Variants in CEP43 observed in about 807,000 individuals in gnomAD.
The protein encoded by CEP43 is centrosomal protein 43.
A neutral mutation model predicts 52.6 loss-of-function variants in CEP43; 36 were observed. The ratio of observed to expected loss-of-function variants is 0.68; its 90% CI spans 0.52 to 0.90. The LOEUF (loss-of-function observed/expected upper bound fraction) is 0.90, where lower values mean the gene tolerates loss of function less well. Among genes scored for constraint, CEP43 ranks in the 40% least tolerant of loss-of-function variants. The pLI, the probability that CEP43 is intolerant of heterozygous loss-of-function variation, is 0.00. For synonymous variants in CEP43, 192 were observed against 172.4 expected (o/e 1.11, Z -0.89); for missense variants, 506 against 472.8 (o/e 1.07, Z -0.65).
In CEP43 at chr6:167,027,217, G is replaced by C. The variant is rs570364031; in HGVS notation, c.988+602G>C. ...AGAAGTTGGTAAGCCTGCCATGTAA[G>C]TACATTCATTCCTATGGAAGTAAGA... is the stretch of plus-strand genomic sequence containing the variant. On this transcript the variant is annotated intron_variant, in intron 10 of 12. Transcript: ENST00000366847. Among the ~76,000 whole-genome samples the C allele has an allele frequency of 2.6e-5, 4 of 152,322 alleles. No individual in the cohort carries two copies. In the East Asian group the frequency reaches 7.7e-4, roughly 29 times the overall value.
At chr6:167,025,993 G>A (rs1158347478) in intron 9 of CEP43, among the ~76,000 whole-genome samples, 1 of 152,214 alleles carries the variant, frequency 6.6e-6, no homozygotes, top group Non-Finnish European at 1.5e-5. Flanking sequence ...GGCTGTTTAT[G>A]GAAAGTGATG....
intron 7 of CEP43, among the ~76,000 whole-genome samples, chr6:167,015,490 A>T (rs1259538799): frequency 6.6e-6 from 1 of 152,230 alleles, no homozygotes; most frequent in Non-Finnish European, 1.5e-5. Flanking sequence ...TGTACACAGC[A>T]AGACTCCAGA....
chr6:167,042,803 TCTTG>T lies in CEP43; in HGVS notation c.*2829_*2832del, dbSNP rs1377565723. The T allele has an allele frequency of 7.2e-5, 11 of 152,942 alleles. No individual in the cohort carries two copies. The highest frequency in any genetic ancestry group is 2.5e-4 in the African/African-American group (10 of 40,554). The allele number at this position is 152,942 out of a possible 1,614,324, so 9.5% of individuals were successfully genotyped here. Reference sequence around the variant, plus strand: ...TTCATCTCAGCATACTCTGAAATGGTCTTGCTTATTTTGTGTGTGTGTGTGTGTG... The same window carrying T: ...TTCATCTCAGCATACTCTGAAATGGTCTTATTTTGTGTGTGTGTGTGTGTG... On this transcript the variant is annotated 3_prime_UTR_variant, in exon 13 of 13. Coordinates refer to ENST00000366847, the MANE Select transcript of CEP43 (RefSeq NM_007045.4).
In CEP43 at chr6:166,999,400, T is replaced by G; in HGVS notation, c.-13T>G. ...CGTTAGCGCGGCTTCGGCGGTTGTCTTGGAGAAGCAAGATGGCGGCGACGG... is the reference window on the plus strand; with the variant it reads ...CGTTAGCGCGGCTTCGGCGGTTGTCGTGGAGAAGCAAGATGGCGGCGACGG... On this transcript the variant is annotated 5_prime_UTR_variant, in exon 1 of 13. Coordinates refer to ENST00000366847, the MANE Select transcript of CEP43 (RefSeq NM_007045.4). 2 of 1,463,060 alleles carry G rather than the reference T, an allele frequency of 1.4e-6. No individual in the cohort carries two copies. Among genetic ancestry groups the G allele is most frequent in the Middle Eastern group, 2.3e-4 (1 of 4,274 alleles). 90.6% of individuals were successfully genotyped at this position (1,463,060 alleles called of 1,614,324 possible).
rs768420757 is a variant in CEP43, at chr6:167,010,913, C to T, written c.519+20C>T. On this transcript the variant is annotated intron_variant, in intron 6 of 12. Transcript: ENST00000366847. ...AGTAAGGTGAGTTAGCTGTGGAACA[C>T]GGAAGTCATGTCTGGACTTAACTCC... 4.9e-5 allele frequency: 73 copies of T among 1,500,556 alleles called. 1 individual carries two copies. In the Admixed American group the frequency reaches 5.0e-4, roughly 10 times the overall value. The allele number at this position is 1,500,556 out of a possible 1,614,324, so 93.0% of individuals were successfully genotyped here.
chr6:167,028,602 G>A (rs1210219271), intron 10 of CEP43: 6 of 550,938 alleles, frequency 1.1e-5, no homozygotes, highest in Non-Finnish European at 1.4e-5. Flanking sequence ...CAGCCTAGGA[G>A]AATAATGATG....
At chr6:167,008,074 T>G (rs983545027) in intron 5 of CEP43, among the ~76,000 whole-genome samples, 4 of 152,166 alleles carry the variant, frequency 2.6e-5, no homozygotes, top group African/African-American at 9.7e-5. Context: ...TCAGCCCTTA[T>G]GAAATGTTCT....
intron 12 of CEP43, among the ~76,000 whole-genome samples, chr6:167,037,125 C>G (rs1780600376): frequency 6.6e-6 from 1 of 152,158 alleles, no homozygotes; most frequent in South Asian, 2.1e-4. Flanking sequence ...TATTAAATAG[C>G]CATTTATTTC....
chr6:167,048,866 A>G lies in CEP43; in HGVS notation c.*8888A>G, dbSNP rs939360038. 1 of 152,226 alleles carries G rather than the reference A, an allele frequency of 6.6e-6. No homozygotes were observed. 9.4% of individuals were successfully genotyped at this position (152,226 alleles called of 1,614,324 possible). ...AGTGTGAAATAGCCTCTAAACTCAT[A>G]TGTGGAAAAAGAACTTGAAAAAGGT... On this transcript the variant is annotated 3_prime_UTR_variant, in exon 13 of 13. Coordinates refer to ENST00000366847, the MANE Select transcript of CEP43 (RefSeq NM_007045.4).
chr6:167,032,944 A>G (rs1780501864), intron 11 of CEP43, among the ~76,000 whole-genome samples: 1 of 152,152 alleles, frequency 6.6e-6, no homozygotes, highest in Non-Finnish European at 1.5e-5. Context: ...TTGCCGTGTC[A>G]TAAGTGCTGA....
At position 167,040,309 on chromosome 6, in the gene CEP43, A is replaced by G; in HGVS notation, c.*331A>G. 1 of 1,444,008 alleles carries G rather than the reference A, an allele frequency of 6.9e-7. No individual in the cohort carries two copies. Among genetic ancestry groups the G allele is most frequent in the Non-Finnish European group, 9.0e-7 (1 of 1,107,004 alleles). 89.4% of individuals were successfully genotyped at this position (1,444,008 alleles called of 1,614,324 possible). On this transcript the variant is annotated 3_prime_UTR_variant, in exon 13 of 13. Transcript: ENST00000366847. ...TGAAAGGTGTCAATAAAGCCGTAGG[A>G]TCGCGCAACCCTTTGTGTGTGTGGC...
At chr6:167,014,018 A>G (rs1780040391) in intron 7 of CEP43, among the ~76,000 whole-genome samples, 1 of 152,196 alleles carries the variant, frequency 6.6e-6, no homozygotes, top group African/African-American at 2.4e-5. Flanking sequence ...AGTAAATTTC[A>G]CTGTCAGTTT....
At position 167,040,204 on chromosome 6, in the gene CEP43, T is replaced by G; in HGVS notation, c.*226T>G. On this transcript the variant is annotated 3_prime_UTR_variant, in exon 13 of 13. Coordinates refer to ENST00000366847, the MANE Select transcript of CEP43 (RefSeq NM_007045.4). ...TAATATTCTTAATTTAACTGTACATTTCTTTATGGAAATTGATTATCTACA... is the reference window on the plus strand; with the variant it reads ...TAATATTCTTAATTTAACTGTACATGTCTTTATGGAAATTGATTATCTACA... 3.9e-6 allele frequency: 6 copies of G among 1,527,898 alleles called. No individual in the cohort carries two copies. The highest frequency in any genetic ancestry group is 5.2e-6 in the Non-Finnish European group (6 of 1,144,682). The allele number at this position is 1,527,898 out of a possible 1,614,324, so 94.6% of individuals were successfully genotyped here. A position where few individuals can be genotyped will look rare whatever the true frequency, so the allele number is the denominator to read the frequency against.
Position 167,033,982 on chromosome 6 carries a change from C to A in CEP43, c.1125+11C>A. ...AATACCAGTGATAAGGTATGGTGTT[C>A]TGCATTTCCCATAGAGTGCTTTTTT... On this transcript the variant is annotated intron_variant, in intron 12 of 12. Coordinates refer to ENST00000366847, the MANE Select transcript of CEP43 (RefSeq NM_007045.4). 6.2e-6 allele frequency: 8 copies of A among 1,299,110 alleles called. No homozygotes were observed. Among genetic ancestry groups the A allele is most frequent in the Non-Finnish European group, 7.5e-6 (7 of 930,324 alleles). 80.5% of individuals were successfully genotyped at this position (1,299,110 alleles called of 1,614,324 possible).
chr6:167,012,515 G>A (rs1030043758), intron 6 of CEP43, among the ~76,000 whole-genome samples: 6 of 152,048 alleles, frequency 3.9e-5, no homozygotes, highest in African/African-American at 1.4e-4. Flanking sequence ...CCTGGCTTTA[G>A]AAAAATTAAA....
intron 12 of CEP43, chr6:167,036,152 C>A: frequency 1.0e-6 from 1 of 985,340 alleles, no homozygotes. Context: ...CCATAAAATG[C>A]CAGTCATTCA....
chr6:167,021,714 A>G (rs1278646281), intron 7 of CEP43, among the ~76,000 whole-genome samples: 2 of 151,532 alleles, frequency 1.3e-5, no homozygotes, highest in East Asian at 3.9e-4. Context: ...ACATAGAGAA[A>G]TACACACACA....
chr6:167,034,326 A>G (rs1043955669), intron 12 of CEP43, among the ~76,000 whole-genome samples: 1 of 152,196 alleles, frequency 6.6e-6, no homozygotes, highest in Non-Finnish European at 1.5e-5. Context: ...CACAGGAGGA[A>G]GCTGAGCCTG....
rs1268308204 is a variant in CEP43, at chr6:167,041,068, G to A, written c.*1090G>A. On this transcript the variant is annotated 3_prime_UTR_variant, in exon 13 of 13. Coordinates refer to ENST00000366847, the MANE Select transcript of CEP43 (RefSeq NM_007045.4). ...GCATATTTATATATAAGTAAAGCAG[G>A]ATTGTGCTGTTTTTGCACTTTATAA... 3 of 1,035,134 alleles carry A rather than the reference G, an allele frequency of 2.9e-6. No homozygotes were observed. The highest frequency in any genetic ancestry group is 3.5e-6 in the Non-Finnish European group (3 of 860,336). 64.1% of individuals were successfully genotyped at this position (1,035,134 alleles called of 1,614,324 possible).
Sources: allele counts gnomAD v4.1 joint callset (sites outside exome capture counted in the v4.1 genomes callset), GRCh38; gene constraint gnomAD v4.1.1; transcripts MANE v1.5; gene names NCBI Gene and HGNC (gene_info 2026-07-23, HGNC 2026-07-21).